The following FAM135B variants were observed in gnomAD, a reference collection of about 807,000 sequenced individuals.
FAM135B encodes the protein family with sequence similarity 135 member B.
A neutral mutation model predicts 127.7 loss-of-function variants in FAM135B; 43 were observed. That is an observed-to-expected ratio of 0.34 (90% confidence interval 0.26 to 0.43). The LOEUF is 0.43. FAM135B is among the 20% of genes least tolerant of loss of function. The pLI, the probability that FAM135B is intolerant of heterozygous loss-of-function variation, is 1.00. For synonymous variants in FAM135B, 670 were observed against 665.1 expected, an observed-to-expected ratio of 1.01 and a Z score of -0.11; for missense variants, 1,558 against 1,725.6, an observed-to-expected ratio of 0.90 and a Z score of 1.72.
chr8:138,310,673 T>C (rs1025555213), intron 3 of FAM135B, among the ~76,000 whole-genome samples, 168 bp downstream of exon 3: 5 of 152,228 alleles, frequency 3.3e-5, no homozygotes, highest in Admixed American at 2.6e-4. Context: ...TGTACACATA[T>C]GGCCACCTCC....
At chr8:138,325,924 G>T (rs1039998140) in intron 2 of FAM135B, among the ~76,000 whole-genome samples, 6 of 152,112 alleles carry the variant, frequency 3.9e-5, no homozygotes, top group Admixed American at 2.6e-4. Context: ...AACGAATGGT[G>T]GGTATTATTA....
In FAM135B at chr8:138,241,847, T is replaced by C. The variant is rs1355323673; in HGVS notation, c.669+1095A>G. ...GGGTATGTCTGGATGAACTGGTCAA[T>C]TGAATAAAGCAGATAGCCCTCTCCA... On this transcript the variant is annotated intron_variant, in intron 7 of 19. Transcript: ENST00000395297. This position sits in a 1 kb window ranked among gnomAD's most constrained non-coding sequence, Gnocchi z 4.8. 1.3e-5 allele frequency among the ~76,000 whole-genome samples: 2 copies of C among 152,148 alleles called. No homozygotes were observed. The highest frequency in any genetic ancestry group is 1.3e-4 in the Admixed American group (2 of 15,266).
chr8:138,384,903 C>A (rs1437015516), intron 1 of FAM135B, among the ~76,000 whole-genome samples: 2 of 152,160 alleles, frequency 1.3e-5, no homozygotes, highest in South Asian at 2.1e-4. Context: ...GGATGGGAGA[C>A]CTTTCTTAGA....
chr8:138,384,430 G>A (rs1314153912), intron 1 of FAM135B, among the ~76,000 whole-genome samples: 1 of 152,012 alleles, frequency 6.6e-6, no homozygotes, highest in Non-Finnish European at 1.5e-5. Flanking sequence ...TATGTGCCCG[G>A]CTTCCAGAGT....
chr8:138,477,905 C>A (rs966197865), intron 1 of FAM135B, among the ~76,000 whole-genome samples: 6 of 152,168 alleles, frequency 3.9e-5, no homozygotes, highest in African/African-American at 1.2e-4. Context: ...GCAGAGATCT[C>A]ATGGTCATGA....
Position 138,195,316 on chromosome 8 carries a change from A to G in FAM135B, c.824-9T>C. 1 of 1,613,662 alleles carries G rather than the reference A, an allele frequency of 6.2e-7. No individual in the cohort carries two copies. The highest frequency in any genetic ancestry group is 8.5e-7 in the Non-Finnish European group (1 of 1,179,778). ...TTCAACAGCAAGGGCCTCTAGAAAG[A>G]AAAAATAAACTGTGTGATTAAATGA... On this transcript the variant is annotated splice_polypyrimidine_tract_variant and intron_variant, in intron 8 of 19. Transcript: ENST00000395297.
chr8:138,248,682 T>G (rs551634995), intron 6 of FAM135B, among the ~76,000 whole-genome samples: 326 of 152,102 alleles, frequency 2.1e-3, no homozygotes, highest in African/African-American at 7.7e-3. Flanking sequence ...TAGCCAAGCA[T>G]GACGGCTCCT....
chr8:138,256,931 A>G (rs1461460979), intron 4 of FAM135B, among the ~76,000 whole-genome samples, 172 bp from the exon 5 acceptor site: 1 of 152,218 alleles, frequency 6.6e-6, no homozygotes, highest in Non-Finnish European at 1.5e-5. Context: ...GGTGAACAGG[A>G]TATCTGAGAG....
chr8:138,460,486 G>A (rs752651087), intron 1 of FAM135B, among the ~76,000 whole-genome samples: 1 of 151,998 alleles, frequency 6.6e-6, no homozygotes, highest in Non-Finnish European at 1.5e-5. Flanking sequence ...ACACCAACAG[G>A]GCCTTCACCC....
At chr8:138,221,171 G>C (rs1398686385) in intron 7 of FAM135B, among the ~76,000 whole-genome samples, 3 of 152,186 alleles carry the variant, frequency 2.0e-5, no homozygotes, top group Admixed American at 2.0e-4. Context: ...ATTGGCTCAT[G>C]GTTCTGCAGG....
At chr8:138,494,767 C>T (rs1042599537) in intron 1 of FAM135B, among the ~76,000 whole-genome samples, 3 of 151,462 alleles carry the variant, frequency 2.0e-5, no homozygotes, top group Non-Finnish European at 4.4e-5. Flanking sequence ...ATCCTGCCCA[C>T]GAGAAACCCA....
intron 1 of FAM135B, among the ~76,000 whole-genome samples, chr8:138,434,853 C>G (rs1563999662): frequency 6.6e-6 from 1 of 152,200 alleles, no homozygotes; most frequent in Non-Finnish European, 1.5e-5. Context: ...TCACTAATAA[C>G]AGTGACACCA....
chr8:138,407,898 A>G (rs1833616629), intron 1 of FAM135B, among the ~76,000 whole-genome samples: 1 of 152,184 alleles, frequency 6.6e-6, no homozygotes, highest in Non-Finnish European at 1.5e-5. Context: ...AAAAGCCAAA[A>G]TTGACAAATG....
chr8:138,333,512 G>T (rs16908846), intron 2 of FAM135B, among the ~76,000 whole-genome samples: 7,510 of 152,080 alleles, frequency 0.049, 564 homozygotes, highest in African/African-American at 0.16. Context: ...AATAGGCATT[G>T]CCCATCCTCT....
At chr8:138,362,892 C>A (rs1830517606) in intron 2 of FAM135B, among the ~76,000 whole-genome samples, 1 of 152,104 alleles carries the variant, frequency 6.6e-6, no homozygotes, top group Admixed American at 6.6e-5. Context: ...ATACCATATG[C>A]CAACTAGTGT....
At chr8:138,381,158 T>C (rs1221119063) in intron 1 of FAM135B, among the ~76,000 whole-genome samples, 1 of 152,140 alleles carries the variant, frequency 6.6e-6, no homozygotes, top group African/African-American at 2.4e-5. Context: ...CTGATCATAA[T>C]CTAAATCCTT....
In FAM135B at chr8:138,152,989, A is replaced by G. The variant is rs768555296; in HGVS notation, c.1486T>C (p.Ser496Pro). The change falls in exon 13 of 20, where the codon TCT becomes CCT. Residue 496 changes from serine (S) to proline (P), a missense_variant. Transcript: ENST00000395297. ...VATQNHMDMC[S>P]ESQVYISIGE... ...ATTGATATATACACCTGAGATTCAG[A>G]GCACATGTCCATATGATTTTGTGTG... 1.5e-5 allele frequency: 24 copies of G among 1,614,098 alleles called. No individual in the cohort carries two copies. The highest frequency in any genetic ancestry group is 2.7e-5 in the African/African-American group (2 of 74,932).
chr8:138,388,732 A>G (rs150376185), intron 1 of FAM135B, among the ~76,000 whole-genome samples: 213 of 152,334 alleles, frequency 1.4e-3, no homozygotes, highest in Admixed American at 5.9e-3. Context: ...GTGACCAAAG[A>G]TTTAAGAAAT....
At chr8:138,282,687 G>A (rs978636716) in intron 3 of FAM135B, among the ~76,000 whole-genome samples, 1 of 152,134 alleles carries the variant, frequency 6.6e-6, no homozygotes, top group African/African-American at 2.4e-5. Flanking sequence ...CCAAATGCTA[G>A]CAAAGGTGTG....
Sources: gnomAD v4.1 joint callset for allele counts (sites outside exome capture counted in the v4.1 genomes callset) on GRCh38, gnomAD v4.1.1 for gene constraint, Gnocchi (gnomAD v3.1) non-coding constraint, MANE v1.5 for transcripts, NCBI Gene and HGNC (gene_info 2026-07-23, HGNC 2026-07-21) for gene names.